Variants in FAF1 observed in about 807,000 individuals in gnomAD.
The protein encoded by FAF1 is FAS-associated factor 1.
FAF1 carries 25 observed loss-of-function variants against 92.5 expected under a neutral mutation model. The ratio of observed to expected loss-of-function variants is 0.27; its 90% CI spans 0.20 to 0.38. The LOEUF (loss-of-function observed/expected upper bound fraction) is 0.38, where lower values mean the gene tolerates loss of function less well. Ranked by LOEUF, FAF1 falls within the 10% of genes least tolerant of loss-of-function variation. The pLI, the probability that FAF1 is intolerant of heterozygous loss-of-function variation, is 1.00. For missense variants in FAF1, 636 were observed against 793.3 expected (o/e 0.80, Z 2.38); for synonymous variants, 234 against 273.2 (o/e 0.86, Z 1.42).
At chr1:50,645,258 A>G (rs1445738065) in intron 8 of FAF1, among the ~76,000 whole-genome samples, 1 of 152,236 alleles carries the variant, frequency 6.6e-6, no homozygotes, top group African/African-American at 2.4e-5. Context: ...CTAACAAAGT[A>G]ATTTAAATAG....
intron 2 of FAF1, among the ~76,000 whole-genome samples, chr1:50,824,197 T>C (rs1225555072): frequency 6.6e-6 from 1 of 152,188 alleles, no homozygotes; most frequent in African/African-American, 2.4e-5. Context: ...TTTCTTCTAC[T>C]AGCTTAAAAG....
intron 1 of FAF1, among the ~76,000 whole-genome samples, chr1:50,900,330 C>T (rs1362285243): frequency 1.3e-5 from 2 of 152,142 alleles, no homozygotes; most frequent in South Asian, 2.1e-4. Flanking sequence ...ATTTTTATTG[C>T]TTTCAATTTT....
At chr1:50,841,665 T>C (rs1644257098) in intron 2 of FAF1, among the ~76,000 whole-genome samples, 1 of 151,968 alleles carries the variant, frequency 6.6e-6, no homozygotes. Context: ...AGATATGAAG[T>C]TATCTGAAAA....
intron 12 of FAF1, among the ~76,000 whole-genome samples, chr1:50,578,582 A>G (rs1213843291): frequency 1.3e-5 from 2 of 152,124 alleles, no homozygotes; most frequent in African/African-American, 4.8e-5. Flanking sequence ...TTTGGTCCCT[A>G]CTACTTACTA....
At chr1:50,943,133 T>G (rs574904434) in intron 1 of FAF1, among the ~76,000 whole-genome samples, 1 of 152,266 alleles carries the variant, frequency 6.6e-6, no homozygotes, top group Non-Finnish European at 1.5e-5. Flanking sequence ...AGCTGATAAA[T>G]TTTCTCACAA....
intron 4 of FAF1, among the ~76,000 whole-genome samples, chr1:50,762,514 A>G (rs1245869808): frequency 2.0e-5 from 3 of 152,008 alleles, no homozygotes; most frequent in Admixed American, 1.3e-4. Flanking sequence ...GGAACAGAAC[A>G]GAGCCCTCAG....
intron 9 of FAF1, among the ~76,000 whole-genome samples, chr1:50,585,410 A>T (rs1017503148): frequency 6.6e-6 from 1 of 152,216 alleles, no homozygotes; most frequent in Non-Finnish European, 1.5e-5. Context: ...AGTAAAAATT[A>T]CTGAGAATTT....
intron 1 of FAF1, among the ~76,000 whole-genome samples, chr1:50,898,230 G>C (rs1644771623): frequency 6.6e-6 from 1 of 152,138 alleles, no homozygotes; most frequent in African/African-American, 2.4e-5. Context: ...CTTGAGCTCA[G>C]AAGTTAGAAG....
At chr1:50,525,137 C>T (rs1405425970) in intron 15 of FAF1, among the ~76,000 whole-genome samples, 4 of 152,160 alleles carry the variant, frequency 2.6e-5, no homozygotes, top group South Asian at 4.1e-4. Context: ...CCACCCGCCT[C>T]GGCCTCCCAA....
intron 1 of FAF1, among the ~76,000 whole-genome samples, chr1:50,920,829 T>C (rs1282615664): frequency 1.3e-5 from 2 of 152,164 alleles, no homozygotes; most frequent in Non-Finnish European, 2.9e-5. Context: ...AAAGACTGAA[T>C]ATTTATCCCT....
intron 1 of FAF1, among the ~76,000 whole-genome samples, chr1:50,901,891 C>T (rs1352016584): frequency 6.6e-6 from 1 of 152,130 alleles, no homozygotes; most frequent in South Asian, 2.1e-4. Context: ...AACCCTGTTA[C>T]AGCCAGTTAA....
At chr1:50,827,652 A>C (rs188177001) in intron 2 of FAF1, among the ~76,000 whole-genome samples, 1 of 152,264 alleles carries the variant, frequency 6.6e-6, no homozygotes, top group Non-Finnish European at 1.5e-5. Context: ...ATAAATAAAT[A>C]AATAAATAAA....
chr1:50,670,823 G>C (rs920824081), intron 7 of FAF1, among the ~76,000 whole-genome samples: 5 of 151,960 alleles, frequency 3.3e-5, no homozygotes, highest in African/African-American at 1.2e-4. Flanking sequence ...CCAGCTACTT[G>C]GGAGGCTGAG....
intron 1 of FAF1, among the ~76,000 whole-genome samples, chr1:50,954,851 T>G (rs1645252089): frequency 6.6e-6 from 1 of 152,154 alleles, no homozygotes; most frequent in Non-Finnish European, 1.5e-5. Context: ...CTTAAACATT[T>G]GTTTTTAATT....
chr1:50,726,870 G>A (rs1456315465), intron 6 of FAF1, among the ~76,000 whole-genome samples: 1 of 152,102 alleles, frequency 6.6e-6, no homozygotes, highest in Non-Finnish European at 1.5e-5. Context: ...AATTAAAATG[G>A]AACTAGACAT....
At chr1:50,840,550 A>G (rs1488882665) in intron 2 of FAF1, among the ~76,000 whole-genome samples, 3 of 152,058 alleles carry the variant, frequency 2.0e-5, no homozygotes, top group African/African-American at 7.2e-5. Flanking sequence ...TGCTAAAGGT[A>G]TTAAATACAC....
chr1:50,561,465 G>C (rs984522477), intron 13 of FAF1, among the ~76,000 whole-genome samples: 1 of 152,098 alleles, frequency 6.6e-6, no homozygotes, highest in African/African-American at 2.4e-5. Flanking sequence ...ACTCAAACTG[G>C]TACTCTCTTG....
chr1:50,527,001 C>T (rs934621328), intron 15 of FAF1, among the ~76,000 whole-genome samples: 1 of 151,932 alleles, frequency 6.6e-6, no homozygotes, highest in East Asian at 1.9e-4. Flanking sequence ...ACTACATGTG[C>T]GTGCCACCAT....
At chr1:50,553,468 G>A (rs894177330) in intron 13 of FAF1, among the ~76,000 whole-genome samples, 1 of 152,174 alleles carries the variant, frequency 6.6e-6, no homozygotes, top group African/African-American at 2.4e-5. Context: ...AAATGATCTT[G>A]TCAATCAACT....
Sources: allele counts gnomAD v4.1 joint callset (sites outside exome capture counted in the v4.1 genomes callset), GRCh38; gene constraint gnomAD v4.1.1; transcripts MANE v1.5; gene names NCBI Gene and HGNC (gene_info 2026-07-23, HGNC 2026-07-21).